Variants in SRGAP3 observed in about 807,000 individuals in gnomAD.
SRGAP3 encodes SLIT-ROBO Rho GTPase-activating protein 3.
A neutral mutation model predicts 121.1 loss-of-function variants in SRGAP3; 39 were observed. The observed-to-expected ratio is 0.32, with a 90% CI of 0.25 to 0.42. The LOEUF is 0.42. Among genes scored for constraint, SRGAP3 ranks in the 10% least tolerant of loss-of-function variants. The pLI is 1.00. For synonymous variants in SRGAP3, 601 were observed against 570.0 expected, an observed-to-expected ratio of 1.05 and a Z score of -0.77; for missense variants, 1,213 against 1,470.6, an observed-to-expected ratio of 0.82 and a Z score of 2.86.
chr3:9,105,784 A>C (rs1948399765), intron 2 of SRGAP3, among the ~76,000 whole-genome samples: 1 of 152,218 alleles, frequency 6.6e-6, no homozygotes. Context: ...AACTTACTAC[A>C]GGGCTACATC....
At chr3:9,047,596 C>G (rs1332087243) in intron 9 of SRGAP3, 121 bp from the exon 10 acceptor site, 2 of 922,704 alleles carry the variant, frequency 2.2e-6, no homozygotes, top group Admixed American at 2.0e-5. Context: ...CGCAGGGACC[C>G]CGGCGCAGGG....
At chr3:9,356,030 C>T (rs1164749171) in intron 1 of SRGAP3, among the ~76,000 whole-genome samples, 1 of 152,106 alleles carries the variant, frequency 6.6e-6, no homozygotes, top group Non-Finnish European at 1.5e-5. Flanking sequence ...CTAATCACAG[C>T]TTAAAGATCC....
At position 9,340,757 on chromosome 3, in the gene SRGAP3, A is replaced by G. The variant is rs377491928; in HGVS notation, n.215-10161T>C. The stretch of plus-strand genomic sequence containing the variant: ...AAGAGCCCTGTGGAAGAGATGTTGG[A>G]CTCTGCCCACAATTGAGATATACAA... On this transcript the variant is annotated intron_variant and non_coding_transcript_variant, in intron 1 of 3. Coordinates refer to the SRGAP3 transcript ENST00000490889. Among the ~76,000 whole-genome samples, 28 of 152,146 alleles carry G rather than the reference A, an allele frequency of 1.8e-4. No individual in the cohort carries two copies. In the East Asian group the frequency reaches 3.5e-3, roughly 19 times the overall value.
intron 9 of SRGAP3, among the ~76,000 whole-genome samples, chr3:9,050,017 T>A (rs1332842162): frequency 6.6e-6 from 1 of 152,170 alleles, no homozygotes; most frequent in African/African-American, 2.4e-5. Flanking sequence ...TTTTTGTATT[T>A]CTTGTAGAGA....
Position 9,153,798 on chromosome 3 carries a change from G to A in SRGAP3, c.68-28881C>T, listed in dbSNP as rs145744086. Among the ~76,000 whole-genome samples, 599 of 152,244 alleles carry A rather than the reference G, an allele frequency of 3.9e-3. 4 individuals carry two copies. The highest frequency in any genetic ancestry group is 0.014 in the African/African-American group (574 of 41,534). ...ACATATACATATGTTATCGTATAGT[G>A]TTGTATGCACTAAATCATGTGCATT... On this transcript the variant is annotated intron_variant, in intron 1 of 21. Transcript: ENST00000383836.
chr3:8,999,655 C>T (rs1015031412), intron 18 of SRGAP3, among the ~76,000 whole-genome samples: 2 of 152,162 alleles, frequency 1.3e-5, no homozygotes, highest in Admixed American at 6.5e-5. Context: ...TTCTCTTCTC[C>T]GTCATCTTCC....
chr3:9,043,389 C>T (rs778547690), intron 10 of SRGAP3, among the ~76,000 whole-genome samples: 1 of 152,170 alleles, frequency 6.6e-6, no homozygotes, highest in Non-Finnish European at 1.5e-5. Context: ...AGGGACCTTA[C>T]CTTTCTCGTG....
At chr3:9,295,092 C>G (rs1218751485) in intron 3 of SRGAP3, among the ~76,000 whole-genome samples, 1 of 152,134 alleles carries the variant, frequency 6.6e-6, no homozygotes, top group Non-Finnish European at 1.5e-5. Context: ...TTAGATTTAG[C>G]TAATTATACA....
At chr3:9,029,066 G>A (rs927406441) in intron 12 of SRGAP3, among the ~76,000 whole-genome samples, 6 of 152,084 alleles carry the variant, frequency 3.9e-5, no homozygotes, top group East Asian at 3.9e-4. Context: ...TCAGCATCTC[G>A]ACAGCTGGAA....
At chr3:9,141,866 A>T (rs1017442365) in intron 1 of SRGAP3, among the ~76,000 whole-genome samples, 1 of 152,224 alleles carries the variant, frequency 6.6e-6, no homozygotes, top group Non-Finnish European at 1.5e-5. Context: ...CTGGCAAGAC[A>T]TAAGAAAAGG....
rs1941629357 is a variant in SRGAP3 at position 8,985,442 on chromosome 3, G to T, written c.*77C>A. 1.3e-6 allele frequency: 2 copies of T among 1,582,366 alleles called. No homozygotes were observed. The highest frequency in any genetic ancestry group is 2.7e-5 in the African/African-American group (2 of 74,284). Reference sequence around the variant, plus strand: ...CCTCCAAGGCCAGGGTCACTGGGAAGCACGTGGAAGCCACCAAGGCCACCC... The same window carrying T: ...CCTCCAAGGCCAGGGTCACTGGGAATCACGTGGAAGCCACCAAGGCCACCC... On this transcript the variant is annotated 3_prime_UTR_variant, in exon 22 of 22. Coordinates refer to ENST00000383836, the MANE Select transcript of SRGAP3 (RefSeq NM_014850.4). The surrounding 1 kb of genome is among the most constrained non-coding windows in gnomAD (Gnocchi z 5.1).
intron 16 of SRGAP3, 48 bp from the exon 17 acceptor site, chr3:9,013,583 C>T (rs1943478965): frequency 6.2e-7 from 1 of 1,602,198 alleles, no homozygotes; most frequent in Non-Finnish European, 8.5e-7. Context: ...GGCAAGTCCT[C>T]CCCCTGTGTT....
Position 9,257,108 on chromosome 3 carries a change from C to T in SRGAP3, n.442+68902G>A, listed in dbSNP as rs562939722. On this transcript the variant is annotated intron_variant and non_coding_transcript_variant, in intron 3 of 3. Coordinates refer to the SRGAP3 transcript ENST00000490889. Reference sequence around the variant, plus strand: ...GGAAAGAAAGGTGTTATATATTGCCCCTATGAAAGCCCAACACAAAATAAT... The same window carrying T: ...GGAAAGAAAGGTGTTATATATTGCCTCTATGAAAGCCCAACACAAAATAAT... 2.2e-5 allele frequency: 8 copies of T among 363,904 alleles called. No homozygotes were observed. In the East Asian group the frequency reaches 3.2e-4, roughly 14 times the overall value. The allele number at this position is 363,904 out of a possible 1,614,324, so 22.5% of individuals were successfully genotyped here. A position where few individuals can be genotyped will look rare whatever the true frequency, so the allele number is the denominator to read the frequency against.
At chr3:9,348,665 T>C in intron 1 of SRGAP3, 1 of 1,081,544 alleles carries the variant, frequency 9.2e-7, no homozygotes, top group African/African-American at 1.5e-5. Flanking sequence ...ATGCCATTGA[T>C]CAGACGTGGC....
At chr3:9,247,225 A>G (rs1953857053) in intron 1 of SRGAP3, among the ~76,000 whole-genome samples, 1 of 152,218 alleles carries the variant, frequency 6.6e-6, no homozygotes, top group Non-Finnish European at 1.5e-5. Context: ...AAAGATTGAA[A>G]CTAGGCTTTT....
rs1946086133 is a variant in SRGAP3 at position 9,060,333 on chromosome 3, C to T, written c.699G>A (p.Lys233=). 1 of 1,613,740 alleles carries T rather than the reference C, an allele frequency of 6.2e-7. No homozygotes were observed. Among genetic ancestry groups the T allele is most frequent in the African/African-American group, 1.3e-5 (1 of 74,844 alleles). The part of the protein sequence containing the change: ...EKRQAKYSEN[K]LKCTKARNDY... ...CATTCCGGGCCTTTGTGCATTTCAG[C>T]TTGTTCTCAGAGTACTTGGCCTGCC... The change falls in exon 6 of 22, where the codon AAG becomes AAA. Residue 233 remains lysine, a synonymous_variant. Transcript: ENST00000383836.
intron 1 of SRGAP3, among the ~76,000 whole-genome samples, chr3:9,190,732 A>G (rs1197442502): frequency 6.6e-6 from 1 of 152,242 alleles, no homozygotes; most frequent in East Asian, 1.9e-4. Flanking sequence ...CAAAACAAAC[A>G]AAAGAAGCCC....
intron 3 of SRGAP3, among the ~76,000 whole-genome samples, chr3:9,288,151 T>G (rs751084367): frequency 2.0e-5 from 3 of 150,342 alleles, no homozygotes; most frequent in Non-Finnish European, 4.4e-5. Flanking sequence ...TTTTTTTTCT[T>G]TGGAGACAGA....
intron 1 of SRGAP3, among the ~76,000 whole-genome samples, chr3:9,168,810 C>T (rs1285259999): frequency 6.6e-6 from 1 of 152,168 alleles, no homozygotes; most frequent in Non-Finnish European, 1.5e-5. Flanking sequence ...TTTTTGGGCC[C>T]CTACTCAGCC....
Sources: allele counts gnomAD v4.1 joint callset (sites outside exome capture counted in the v4.1 genomes callset), GRCh38; gene constraint gnomAD v4.1.1; non-coding constraint Gnocchi (gnomAD v3.1); transcripts MANE v1.5; gene names NCBI Gene and HGNC (gene_info 2026-07-23, HGNC 2026-07-21).